The following GRM5 variants were observed in gnomAD, a reference collection of about 807,000 sequenced individuals.
The protein encoded by GRM5 is glutamate metabotropic receptor 5.
GRM5 carries 19 observed loss-of-function variants against 83.1 expected under a neutral mutation model. The observed-to-expected ratio is 0.23, with a 90% CI of 0.16 to 0.34. GRM5 has a LOEUF of 0.34. Ranked by LOEUF, GRM5 falls within the 10% of genes least tolerant of loss-of-function variation. The pLI is 1.00. For missense variants in GRM5, 1,160 were observed against 1,588.3 expected, an observed-to-expected ratio of 0.73 and a Z score of 4.58; for synonymous variants, 675 against 633.6, an observed-to-expected ratio of 1.07 and a Z score of -0.98.
chr11:88,661,958 C>T (rs1317103853), intron 3 of GRM5, among the ~76,000 whole-genome samples: 1 of 152,070 alleles, frequency 6.6e-6, no homozygotes, highest in Non-Finnish European at 1.5e-5. Flanking sequence ...AACTGAAAAT[C>T]AACTTATTTC....
chr11:88,790,105 C>A (rs1943146064), intron 3 of GRM5, among the ~76,000 whole-genome samples: 4 of 152,146 alleles, frequency 2.6e-5, no homozygotes. Flanking sequence ...TTCAGATGAT[C>A]CACCCTCCTC....
intron 4 of GRM5, among the ~76,000 whole-genome samples, chr11:88,628,766 C>A (rs755985602): frequency 6.6e-6 from 1 of 152,128 alleles, no homozygotes; most frequent in Non-Finnish European, 1.5e-5. Flanking sequence ...TAGCTTAATA[C>A]AATAAAAGTT....
Position 88,747,705 on chromosome 11 carries a change from G to GAA in GRM5, c.912-94304_912-94303dup, listed in dbSNP as rs34525662. On this transcript the variant is annotated intron_variant, in intron 3 of 9. Coordinates refer to ENST00000305447, the MANE Select transcript of GRM5 (RefSeq NM_001143831.3). Reference sequence around the variant, plus strand: ...GCAGTTTGTCTAACCGGCTATCCAGGAAAAAAAAAAAAAGATCACGTAACG... The same window carrying GAA: ...GCAGTTTGTCTAACCGGCTATCCAGGAAAAAAAAAAAAAAAGATCACGTAACG... 4.5e-3 allele frequency among the ~76,000 whole-genome samples: 650 copies of GAA among 144,312 alleles called. 3 individuals carry two copies. The highest frequency in any genetic ancestry group is 0.026 in the East Asian group (131 of 5,008). 94.7% of individuals were successfully genotyped at this position (144,312 alleles called of 152,430 possible).
At chr11:88,758,646 G>T (rs2135435707) in intron 3 of GRM5, among the ~76,000 whole-genome samples, 1 of 152,268 alleles carries the variant, frequency 6.6e-6, no homozygotes, top group Admixed American at 6.5e-5. Context: ...TGGGGAGAAT[G>T]GAATCAACTT....
At chr11:88,538,956 T>A (rs779297357) in intron 8 of GRM5, among the ~76,000 whole-genome samples, 1 of 152,170 alleles carries the variant, frequency 6.6e-6, no homozygotes, top group Non-Finnish European at 1.5e-5. Context: ...GGGATACAGG[T>A]AACTGTACTA....
rs575880586 is a variant in GRM5, at chr11:88,910,643, T to C, written c.662-60488A>G. Among the ~76,000 whole-genome samples the C allele has an allele frequency of 6.6e-5, 10 of 152,236 alleles. No homozygotes were observed. The South Asian group carries it at 1.2e-3, about 19-fold the overall frequency. On this transcript the variant is annotated intron_variant, in intron 2 of 9. Transcript: ENST00000305447. ...TTCTCAAACATATATGTTTAGACTA[T>C]ATATGTCTAAGATTGTCAAATGGTT...
intron 2 of GRM5, among the ~76,000 whole-genome samples, chr11:88,980,986 TTAAAAC>T (rs1194712984): frequency 6.6e-6 from 1 of 150,800 alleles, no homozygotes; most frequent in Admixed American, 6.7e-5. Context: ...ACAACTTTTC[TTAAAAC>T]TAAAATAGTC....
chr11:88,878,411 C>A lies in GRM5; in HGVS notation c.662-28256G>T, dbSNP rs547304826. On this transcript the variant is annotated intron_variant, in intron 2 of 9. Coordinates refer to ENST00000305447, the MANE Select transcript of GRM5 (RefSeq NM_001143831.3). Reference sequence around the variant, plus strand: ...TACCCCATGGCCAGGGGGTCTCTCCCAGCAATGAATGCAGGGTAATTGTCC... The same window carrying A: ...TACCCCATGGCCAGGGGGTCTCTCCAAGCAATGAATGCAGGGTAATTGTCC... 1.1e-4 allele frequency among the ~76,000 whole-genome samples: 16 copies of A among 152,244 alleles called. No homozygotes were observed. The South Asian group carries it at 2.7e-3, about 26-fold the overall frequency.
At chr11:88,615,168 A>G (rs1448570966) in intron 4 of GRM5, among the ~76,000 whole-genome samples, 1 of 152,086 alleles carries the variant, frequency 6.6e-6, no homozygotes, top group African/African-American at 2.4e-5. Context: ...CAACTGGCCT[A>G]TTTGAGCAGC....
At chr11:88,925,163 A>G (rs1452991569) in intron 2 of GRM5, among the ~76,000 whole-genome samples, 1 of 152,116 alleles carries the variant, frequency 6.6e-6, no homozygotes, top group Non-Finnish European at 1.5e-5. Flanking sequence ...GGATTTAATT[A>G]GCTCAACAGT....
intron 2 of GRM5, among the ~76,000 whole-genome samples, chr11:88,928,993 G>A (rs1174476271): frequency 6.6e-6 from 1 of 150,812 alleles, no homozygotes; most frequent in East Asian, 1.9e-4. Flanking sequence ...ATGAGATTTA[G>A]TTTTAGACAA....
In GRM5 at chr11:89,041,980, G is replaced by T. The variant is rs550947526; in HGVS notation, c.661+5232C>A. Among the ~76,000 whole-genome samples, 23 of 152,260 alleles carry T rather than the reference G, an allele frequency of 1.5e-4. No individual in the cohort carries two copies. The East Asian group carries it at 4.4e-3, about 29-fold the overall frequency. On this transcript the variant is annotated intron_variant, in intron 2 of 9. Transcript: ENST00000305447. The stretch of plus-strand genomic sequence containing the variant: ...TCCGCAAACCTTCGATACGACCCAG[G>T]AAAAGGAGCACTTCATCTAATTTAC...
intron 2 of GRM5, among the ~76,000 whole-genome samples, chr11:89,013,066 T>G (rs1028012351): frequency 1.3e-5 from 2 of 152,232 alleles, no homozygotes; most frequent in Non-Finnish European, 2.9e-5. Context: ...TTTGCCATAT[T>G]TCACTGAATC....
rs181115989 is a variant in GRM5, at chr11:89,024,109, G to A, written c.661+23103C>T. 5.9e-3 allele frequency among the ~76,000 whole-genome samples: 890 copies of A among 151,984 alleles called. 3 individuals are homozygous for A. Among genetic ancestry groups the A allele is most frequent in the Non-Finnish European group, 7.5e-3 (513 of 67,980 alleles). On this transcript the variant is annotated intron_variant, in intron 2 of 9. Transcript: ENST00000305447. ...TCCACATCTATAATCCCAGTTACTCGGGAGGCTGAGGCAGGACAATCATTT... is the reference window on the plus strand; with the variant it reads ...TCCACATCTATAATCCCAGTTACTCAGGAGGCTGAGGCAGGACAATCATTT...
At chr11:88,876,993 TC>T (rs1168430216) in intron 2 of GRM5, among the ~76,000 whole-genome samples, 1 of 151,970 alleles carries the variant, frequency 6.6e-6, no homozygotes, top group Non-Finnish European at 1.5e-5. Context: ...ATGATACCAA[TC>T]ATAATTGGAA....
chr11:88,754,533 T>A (rs1423612388), intron 3 of GRM5, among the ~76,000 whole-genome samples: 3 of 152,134 alleles, frequency 2.0e-5, no homozygotes. Context: ...TCTACCAGAA[T>A]GGAAGGGAAC....
chr11:88,763,492 A>G (rs1397935225), intron 3 of GRM5, among the ~76,000 whole-genome samples: 1 of 151,862 alleles, frequency 6.6e-6, no homozygotes, highest in Non-Finnish European at 1.5e-5. Flanking sequence ...TGGTTAGTAA[A>G]TCCACATTTT....
At chr11:88,797,546 T>C (rs1000211781) in intron 3 of GRM5, among the ~76,000 whole-genome samples, 2 of 152,240 alleles carry the variant, frequency 1.3e-5, no homozygotes, top group African/African-American at 4.8e-5. Context: ...ATAATCTTAC[T>C]ATTAAATTAT....
intron 3 of GRM5, among the ~76,000 whole-genome samples, chr11:88,816,007 A>G (rs534832576): frequency 1.4e-5 from 2 of 138,958 alleles, no homozygotes; most frequent in South Asian, 4.6e-4. Flanking sequence ...AGGTCAGGAG[A>G]TCGAGACCAT....
Sources: gnomAD v4.1 joint callset for allele counts (sites outside exome capture counted in the v4.1 genomes callset) on GRCh38, gnomAD v4.1.1 for gene constraint, MANE v1.5 for transcripts, NCBI Gene and HGNC (gene_info 2026-07-23, HGNC 2026-07-21) for gene names.